Variants in USP7 observed in about 807,000 individuals in gnomAD.
The protein encoded by USP7 is ubiquitin C-terminal hydrolase 7.
A neutral mutation model predicts 162.9 loss-of-function variants in USP7; 9 were observed. That is an observed-to-expected ratio of 0.06 (90% CI 0.03 to 0.10). USP7 has a LOEUF of 0.10. Ranked by LOEUF, USP7 falls within the 10% of genes least tolerant of loss-of-function variation. The pLI, the probability that USP7 is intolerant of heterozygous loss-of-function variation, is 1.00. For synonymous variants in USP7, 562 were observed against 475.9 expected, an observed-to-expected ratio of 1.18 and a Z score of -2.35; for missense variants, 715 against 1,373.7, an observed-to-expected ratio of 0.52 and a Z score of 7.58.
At chr16:8,955,273 CCAGT>C (rs1472855560) in intron 1 of USP7, among the ~76,000 whole-genome samples, 1 of 152,146 alleles carries the variant, frequency 6.6e-6, no homozygotes, top group Non-Finnish European at 1.5e-5. Context: ...AGTATTGGGG[CCAGT>C]GTCTCACCCC....
intron 6 of USP7, among the ~76,000 whole-genome samples, chr16:8,918,131 A>G (rs2141206003): frequency 6.6e-6 from 1 of 152,296 alleles, no homozygotes; most frequent in East Asian, 1.9e-4. Flanking sequence ...TGTGAAACAA[A>G]GATTTGATTA....
chr16:8,913,095 C>T (rs1220568363), intron 10 of USP7, among the ~76,000 whole-genome samples: 2 of 152,198 alleles, frequency 1.3e-5, no homozygotes, highest in East Asian at 3.8e-4. Context: ...GTGGCTCACA[C>T]CTGTAATCCC....
At chr16:8,924,768 G>A (rs1175624028) in intron 2 of USP7, among the ~76,000 whole-genome samples, 1 of 152,206 alleles carries the variant, frequency 6.6e-6, no homozygotes, top group African/African-American at 2.4e-5. Flanking sequence ...TCCTGGGAGG[G>A]TAGTATTGAA....
intron 1 of USP7, among the ~76,000 whole-genome samples, chr16:8,930,829 T>A (rs1020921662): frequency 6.6e-6 from 1 of 152,056 alleles, no homozygotes; most frequent in Non-Finnish European, 1.5e-5. Flanking sequence ...ATTAGCTGGG[T>A]GTGGTGGCGC....
chr16:8,893,864 C>T lies in USP7; in HGVS notation c.*134G>A. ...ACAGAGAAGCCAAACTGAACAGCCT[C>T]AATAAAATAAAATTAACACCAGCAG... On this transcript the variant is annotated 3_prime_UTR_variant, in exon 31 of 31. Coordinates refer to ENST00000344836, the MANE Select transcript of USP7 (RefSeq NM_003470.3). The T allele has an allele frequency of 1.3e-6, 1 of 760,218 alleles. No individual in the cohort carries two copies. The highest frequency in any genetic ancestry group is 1.6e-5 in the South Asian group (1 of 61,130). The allele number at this position is 760,218 out of a possible 1,614,324, so 47.1% of individuals were successfully genotyped here.
intron 13 of USP7, 84 bp downstream of exon 13, chr16:8,906,342 C>T (rs2061860137): frequency 2.7e-6 from 4 of 1,495,070 alleles, no homozygotes; most frequent in East Asian, 4.6e-5. Flanking sequence ...GACAAGGTTC[C>T]GAGTAGGAAC....
intron 1 of USP7, chr16:8,962,374 T>C (rs72769904): frequency 0.061 from 15,489 of 252,736 alleles, 604 homozygotes; most frequent in Non-Finnish European, 0.084. Context: ...AACACCCTTC[T>C]CTTTACAGCG....
At chr16:8,923,723 C>T (rs1044763406) in intron 2 of USP7, among the ~76,000 whole-genome samples, 1 of 152,182 alleles carries the variant, frequency 6.6e-6, no homozygotes, top group African/African-American at 2.4e-5. Context: ...ACCCCAGGCA[C>T]CAAGTGAGTG....
rs367672731 is a variant in USP7 at position 8,953,392 on chromosome 16, T to C, written c.79+9815A>G. Among the ~76,000 whole-genome samples the C allele has an allele frequency of 7.2e-5, 11 of 152,244 alleles. No individual in the cohort carries two copies. The East Asian group carries it at 7.7e-4, about 11-fold the overall frequency. Reference sequence around the variant, plus strand: ...ATGAATGAAAGCCTACACCAGCCTCTGTGGACACTACAGGACACCAAGGAC... The same window carrying C: ...ATGAATGAAAGCCTACACCAGCCTCCGTGGACACTACAGGACACCAAGGAC... On this transcript the variant is annotated intron_variant, in intron 1 of 30. Coordinates refer to ENST00000344836, the MANE Select transcript of USP7 (RefSeq NM_003470.3).
chr16:8,899,457 G>T, intron 22 of USP7, 147 bp downstream of exon 22: 1 of 1,047,720 alleles, frequency 9.5e-7, no homozygotes, highest in Non-Finnish European at 1.4e-6. Context: ...CCAAGGCAGA[G>T]AGCCTGAATC....
intron 1 of USP7, among the ~76,000 whole-genome samples, chr16:8,933,391 CA>C (rs1202239369): frequency 6.6e-6 from 1 of 151,946 alleles, no homozygotes; most frequent in Non-Finnish European, 1.5e-5. Context: ...CTATTAAAAA[CA>C]AAAAAATTCA....
intron 1 of USP7, among the ~76,000 whole-genome samples, chr16:8,940,905 C>T (rs1359560942): frequency 6.6e-6 from 1 of 152,030 alleles, no homozygotes; most frequent in Non-Finnish European, 1.5e-5. Context: ...GTCTCCAGAA[C>T]CTGGAGGTAA....
chr16:8,899,371 A>C, intron 22 of USP7, 183 bp from the exon 23 acceptor site: 1 of 748,348 alleles, frequency 1.3e-6, no homozygotes, highest in East Asian at 2.7e-5. Context: ...TATCTGATGA[A>C]GATAACTTTG....
At chr16:8,927,337 A>T (rs966509275) in intron 2 of USP7, among the ~76,000 whole-genome samples, 8 of 152,046 alleles carry the variant, frequency 5.3e-5, no homozygotes, top group South Asian at 2.1e-4. Context: ...AAAAAGAAAG[A>T]AAGTTAAAGA....
At chr16:8,959,110 T>A (rs189535300) in intron 1 of USP7, among the ~76,000 whole-genome samples, 1 of 152,208 alleles carries the variant, frequency 6.6e-6, no homozygotes, top group South Asian at 2.1e-4. Flanking sequence ...CCAGGCACTT[T>A]AGATGTGCCT....
intron 1 of USP7, chr16:8,936,800 C>G (rs115196512): frequency 8.0e-7 from 1 of 1,251,968 alleles, no homozygotes; most frequent in African/African-American, 1.6e-5. Context: ...ATAAGGCAGT[C>G]CAGGAACAGA....
rs575753672 is a variant in USP7 at position 8,941,704 on chromosome 16, G to A, written c.80-11307C>T. Among the ~76,000 whole-genome samples, 16 of 152,276 alleles carry A rather than the reference G, an allele frequency of 1.1e-4. No individual in the cohort carries two copies. The South Asian group carries it at 2.1e-3, about 20-fold the overall frequency. On this transcript the variant is annotated intron_variant, in intron 1 of 30. Transcript: ENST00000344836. ...TTGGTGTGGTGAGGAGTGAGGGGAC[G>A]GGCAGAGCCAGGATCAGCTGTGTTG...
intron 13 of USP7, 76 bp from the exon 14 acceptor site, chr16:8,905,407 C>A: frequency 1.3e-6 from 2 of 1,569,804 alleles, no homozygotes; most frequent in South Asian, 1.1e-5. Context: ...CAGCGTTGTT[C>A]TAAAATGTGT....
intron 27 of USP7, 68 bp from the exon 28 acceptor site, chr16:8,895,218 A>C: frequency 6.2e-7 from 1 of 1,609,794 alleles, no homozygotes. Context: ...CCACATCTCA[A>C]TTCTCACACT....
Sources: gnomAD v4.1 joint callset for allele counts (sites outside exome capture counted in the v4.1 genomes callset) on GRCh38, gnomAD v4.1.1 for gene constraint, MANE v1.5 for transcripts, NCBI Gene and HGNC (gene_info 2026-07-23, HGNC 2026-07-21) for gene names.